Variants in MATR3 observed in about 807,000 individuals in gnomAD.
MATR3 encodes the protein matrin 3, also known as matrin-3.
In MATR3, 4 loss-of-function variants were observed where a neutral mutation model predicts 85.5. That is an observed-to-expected ratio of 0.05 (90% CI 0.02 to 0.11). The LOEUF is 0.11. Ranked by LOEUF, MATR3 falls within the 10% of genes least tolerant of loss-of-function variation. The pLI is 1.00. For synonymous variants in MATR3, 336 were observed against 343.1 expected, an observed-to-expected ratio of 0.98 and a Z score of 0.23; for missense variants, 685 against 1,016.1, an observed-to-expected ratio of 0.67 and a Z score of 4.43.
At chr5:139,283,916 C>A (rs1753619203) in intron 3 of MATR3, among the ~76,000 whole-genome samples, 1 of 152,204 alleles carries the variant, frequency 6.6e-6, no homozygotes, top group Non-Finnish European at 1.5e-5. Context: ...ATTTTGAGAT[C>A]TCAGCTCAGT....
rs1359887674 is a variant in MATR3, at chr5:139,331,165, G to A, written c.*1770G>A. 1 of 454,090 alleles carries A rather than the reference G, an allele frequency of 2.2e-6. No homozygotes were observed. The highest frequency in any genetic ancestry group is 1.6e-5 in the South Asian group (1 of 64,470). 28.1% of individuals were successfully genotyped at this position (454,090 alleles called of 1,614,324 possible). ...TTGTCTTTCAAATGTTCAGACCCCAGTTTATTAAAGGATACTTCAAATAGT... is the reference window on the plus strand; with the variant it reads ...TTGTCTTTCAAATGTTCAGACCCCAATTTATTAAAGGATACTTCAAATAGT... On this transcript the variant is annotated 3_prime_UTR_variant, in exon 15 of 15. Transcript: ENST00000394805.
At chr5:139,317,493 A>G in intron 6 of MATR3, 103 bp from the exon 7 acceptor site, 3 of 1,144,376 alleles carry the variant, frequency 2.6e-6, no homozygotes, top group Admixed American at 1.8e-5. Context: ...TTTTACTTAC[A>G]CTCTCCTGGT....
At chr5:139,311,930 G>A (rs1332470793) in intron 2 of MATR3, 1 of 151,668 alleles carries the variant, frequency 6.6e-6, no homozygotes, top group Non-Finnish European at 1.5e-5. Flanking sequence ...ACCATGCCCA[G>A]CTAATTTTTT....
chr5:139,329,270 T>G, intron 14 of MATR3, 75 bp from the exon 15 acceptor site: 1 of 1,043,696 alleles, frequency 9.6e-7, no homozygotes, highest in Non-Finnish European at 1.5e-6. Flanking sequence ...ATATAGGATA[T>G]TTGATTTTGG....
At chr5:139,290,799 T>C (rs1561922955), upstream of MATR3, among the ~76,000 whole-genome samples, 1 of 152,246 alleles carries the variant, frequency 6.6e-6, no homozygotes, top group East Asian at 1.9e-4. Context: ...CATTAACTTG[T>C]AAATTTGTCA....
At chr5:139,296,402 A>T (rs1352231958) in intron 1 of MATR3, among the ~76,000 whole-genome samples, 1 of 152,186 alleles carries the variant, frequency 6.6e-6, no homozygotes, top group African/African-American at 2.4e-5. Flanking sequence ...AAATAGAGAT[A>T]TACCCCAAAA....
rs1561950130 is a variant in MATR3 at position 139,331,349 on chromosome 5, C to T, written c.*1954C>T. 1 of 454,108 alleles carries T rather than the reference C, an allele frequency of 2.2e-6. No homozygotes were observed. The highest frequency in any genetic ancestry group is 4.4e-6 in the Non-Finnish European group (1 of 226,794). 28.1% of individuals were successfully genotyped at this position (454,108 alleles called of 1,614,324 possible). On this transcript the variant is annotated 3_prime_UTR_variant, in exon 15 of 15. Transcript: ENST00000394805. ...AATTTTTAACAGCAGGTACATAAAG[C>T]ATTATGTGCACAATGGAGTTCTTCA...
chr5:139,322,043 G>T lies in MATR3; in HGVS notation c.1734+14G>T, dbSNP rs1755600462. 11 of 1,613,548 alleles carry T rather than the reference G, an allele frequency of 6.8e-6. No homozygotes were observed. The highest frequency in any genetic ancestry group is 8.5e-6 in the Non-Finnish European group (10 of 1,179,638). ...CTGGTTCTGAGGGTATGTAGTATTT[G>T]ATTTGTCATCATTTAACAGCTTGTT... On this transcript the variant is annotated intron_variant, in intron 10 of 14. Coordinates refer to ENST00000394805, the MANE Select transcript of MATR3 (RefSeq NM_018834.6).
intron 2 of MATR3, chr5:139,313,072 C>A (rs1303591657): frequency 6.7e-6 from 1 of 150,130 alleles, no homozygotes; most frequent in South Asian, 2.1e-4. Flanking sequence ...AATACCAATC[C>A]GCAGCTTTTT....
At chr5:139,312,939 A>AC (rs1032872284) in intron 2 of MATR3, 1 of 151,922 alleles carries the variant, frequency 6.6e-6, no homozygotes, top group African/African-American at 2.4e-5. Flanking sequence ...GGCCTGAGCC[A>AC]CCGCACCTGG....
chr5:139,304,753 A>T (rs565353342), intron 1 of MATR3, among the ~76,000 whole-genome samples: 2 of 152,338 alleles, frequency 1.3e-5, no homozygotes, highest in South Asian at 4.1e-4. Context: ...TTTCCTATAG[A>T]AAGGCAATTT....
chr5:139,306,902 G>A (rs1046938573), intron 1 of MATR3, among the ~76,000 whole-genome samples: 1 of 151,914 alleles, frequency 6.6e-6, no homozygotes, highest in African/African-American at 2.4e-5. Context: ...TCATACTATA[G>A]GGTGTATTTT....
chr5:139,323,046 C>G, intron 12 of MATR3, 79 bp downstream of exon 12: 1 of 1,390,970 alleles, frequency 7.2e-7, no homozygotes, highest in South Asian at 1.3e-5. Context: ...TAAGCAGGAT[C>G]AGATAGAATT....
At chr5:139,310,996 C>T (rs981017719) in intron 2 of MATR3, 2 of 152,182 alleles carry the variant, frequency 1.3e-5, no homozygotes, top group South Asian at 2.1e-4. Flanking sequence ...CAGGGTTTCT[C>T]CATGTTGGTC....
intron 2 of MATR3, among the ~76,000 whole-genome samples, chr5:139,276,642 A>C (rs1444279691): frequency 1.3e-5 from 2 of 152,180 alleles, no homozygotes; most frequent in African/African-American, 4.8e-5. Context: ...CATACCTTGG[A>C]AACAGAACAA....
chr5:139,320,743 C>CTTTTTTTTTTTTTTTTT (rs1175972721), intron 9 of MATR3, among the ~76,000 whole-genome samples: 1 of 102,420 alleles, frequency 9.8e-6, no homozygotes, highest in African/African-American at 4.8e-5. Context: ...AAGCTTATTA[C>CTTTTTTTTTTTTTTTTT]TTTTTTTTTT....
chr5:139,329,298 G>C (rs767883760), intron 14 of MATR3, 47 bp from the exon 15 acceptor site: 1 of 1,340,188 alleles, frequency 7.5e-7, no homozygotes, highest in Non-Finnish European at 1.1e-6. Context: ...CCATTTTGCT[G>C]CATTTCTCTT....
chr5:139,313,611 A>G (rs1209916724), intron 2 of MATR3: 1 of 152,192 alleles, frequency 6.6e-6, no homozygotes, highest in Middle Eastern at 3.1e-3. Flanking sequence ...TGAATAAAAT[A>G]AGAGTTACTT....
intron 1 of MATR3, among the ~76,000 whole-genome samples, chr5:139,295,343 A>C (rs1754089330): frequency 6.6e-6 from 1 of 152,228 alleles, no homozygotes; most frequent in Non-Finnish European, 1.5e-5. Flanking sequence ...CAACATTAAA[A>C]TACTGCATGA....
Sources: allele counts gnomAD v4.1 joint callset (sites outside exome capture counted in the v4.1 genomes callset), GRCh38; gene constraint gnomAD v4.1.1; transcripts MANE v1.5; gene names NCBI Gene and HGNC (gene_info 2026-07-23, HGNC 2026-07-21).